Variants in ZNF100 observed in about 807,000 individuals in gnomAD.
The protein encoded by ZNF100 is zinc finger protein 100, also known as zinc finger protein 100 (Y1).
ZNF100 carries 12 observed loss-of-function variants against 15.8 expected under a neutral mutation model. The observed-to-expected ratio is 0.76, with a 90% CI of 0.49 to 1.23. ZNF100 has a LOEUF of 1.23. ZNF100 is among the 50% of genes most tolerant of loss of function. The probability of loss-of-function intolerance (pLI) is 0.00; values close to 1 mark genes in which losing one functional copy is unlikely to be tolerated. For missense variants in ZNF100, 670 were observed against 635.6 expected (o/e 1.05, Z -0.58); for synonymous variants, 226 against 214.8 (o/e 1.05, Z -0.45).
chr19:21,739,608 T>A (rs1169385506), intron 4 of ZNF100, among the ~76,000 whole-genome samples: 2 of 152,170 alleles, frequency 1.3e-5, no homozygotes, highest in African/African-American at 2.4e-5. Flanking sequence ...CACTGCATGG[T>A]ATCTGACCAA....
At chr19:21,764,054 T>C (rs2145749653) in intron 2 of ZNF100, among the ~76,000 whole-genome samples, 1 of 152,310 alleles carries the variant, frequency 6.6e-6, no homozygotes, top group East Asian at 1.9e-4. Context: ...CCCCCAGCTT[T>C]CCAGGACTCT....
intron 2 of ZNF100, among the ~76,000 whole-genome samples, chr19:21,746,013 G>T (rs1008075828): frequency 6.6e-6 from 1 of 152,224 alleles, no homozygotes. Flanking sequence ...GCAGCTGCCA[G>T]ATTAAATGTG....
intron 2 of ZNF100, among the ~76,000 whole-genome samples, chr19:21,762,496 A>C (rs1599409826): frequency 6.6e-6 from 1 of 152,224 alleles, no homozygotes; most frequent in Admixed American, 6.5e-5. Flanking sequence ...ACACTTATTA[A>C]TCTTCCAGAT....
chr19:21,734,948 A>G (rs1357301089), intron 4 of ZNF100, among the ~76,000 whole-genome samples: 1 of 152,154 alleles, frequency 6.6e-6, no homozygotes, highest in Admixed American at 6.5e-5. Context: ...AATATCCTGC[A>G]ACTAAGCTTC....
intron 4 of ZNF100, among the ~76,000 whole-genome samples, chr19:21,730,952 C>T (rs932326269): frequency 6.6e-6 from 1 of 152,068 alleles, no homozygotes; most frequent in Admixed American, 6.5e-5. Flanking sequence ...TCAAAGTAAT[C>T]TACAGATTTA....
At chr19:21,750,897 T>C in intron 2 of ZNF100, 1 of 586,312 alleles carries the variant, frequency 1.7e-6, no homozygotes. Context: ...AGCCTCAAGC[T>C]GGGCCGGTGC....
chr19:21,764,366 G>A (rs1335494707), intron 2 of ZNF100, among the ~76,000 whole-genome samples: 2 of 152,178 alleles, frequency 1.3e-5, no homozygotes, highest in Non-Finnish European at 2.9e-5. Context: ...GTATCAGGCC[G>A]GGCATGGTGG....
intron 4 of ZNF100, among the ~76,000 whole-genome samples, chr19:21,729,630 C>G (rs1263244346): frequency 2.6e-5 from 4 of 151,896 alleles, no homozygotes; most frequent in Admixed American, 2.0e-4. Flanking sequence ...AAATACATTA[C>G]TTTCTGGGAA....
rs1414725452 is a variant in ZNF100 at position 21,765,703 on chromosome 19, A to G, written c.87T>C (p.Tyr29=). 3 of 1,614,010 alleles carry G rather than the reference A, an allele frequency of 1.9e-6. No homozygotes were observed. The highest frequency in any genetic ancestry group is 2.2e-5 in the East Asian group (1 of 44,876). ...GAERSLLVQS[Y]FEKGPLTFRD... ...TGTCTCAAGGGGTTACCTTTTCAAA[A>G]TAAGACTGCACCAGAAGACTCCTCT... is the stretch of plus-strand genomic sequence containing the variant. Residue 29 remains tyrosine, a synonymous_variant, in exon 2 of 5, where the codon TAT becomes TAC. Coordinates refer to ENST00000358296, the MANE Select transcript of ZNF100 (RefSeq NM_173531.4).
intron 1 of ZNF100, 48 bp downstream of exon 1, chr19:21,767,369 CACCAGTTCCA>C: frequency 1.2e-6 from 2 of 1,613,566 alleles, no homozygotes; most frequent in East Asian, 2.2e-5. Flanking sequence ...AGCTACTTCC[CACCAGTTCCA>C]ACCAGCCCTT....
intron 2 of ZNF100, among the ~76,000 whole-genome samples, 187 bp downstream of exon 2, chr19:21,765,506 CT>C (rs558381030): frequency 6.6e-6 from 1 of 152,032 alleles, no homozygotes; most frequent in Non-Finnish European, 1.5e-5. Flanking sequence ...AAAATTTTCA[CT>C]TTTTTTTCCA....
intron 4 of ZNF100, among the ~76,000 whole-genome samples, chr19:21,741,537 G>C (rs1157438644): frequency 6.6e-6 from 1 of 151,964 alleles, no homozygotes; most frequent in Non-Finnish European, 1.5e-5. Flanking sequence ...ACAAGGCCCC[G>C]CTAATTTTTG....
intron 2 of ZNF100, among the ~76,000 whole-genome samples, chr19:21,760,157 G>A (rs1360169710): frequency 1.4e-5 from 2 of 140,036 alleles, no homozygotes; most frequent in African/African-American, 5.2e-5. Context: ...ACTCTAGCCT[G>A]AGCAAAATAG....
chr19:21,745,948 A>G (rs1385225905), intron 2 of ZNF100, among the ~76,000 whole-genome samples: 1 of 152,222 alleles, frequency 6.6e-6, no homozygotes, highest in African/African-American at 2.4e-5. Context: ...CTGTAAAACA[A>G]AGAGCCTTCA....
chr19:21,730,516 T>A (rs1370608560), intron 4 of ZNF100, among the ~76,000 whole-genome samples: 1 of 151,584 alleles, frequency 6.6e-6, no homozygotes, highest in Non-Finnish European at 1.5e-5. Context: ...AAAGCAAATA[T>A]TGATAGAACT....
chr19:21,730,570 AACTT>A (rs1456076099), intron 4 of ZNF100, among the ~76,000 whole-genome samples: 3 of 152,020 alleles, frequency 2.0e-5, no homozygotes, highest in Non-Finnish European at 2.9e-5. Flanking sequence ...ACATTTCAAT[AACTT>A]ACTTTCTGTA....
intron 4 of ZNF100, among the ~76,000 whole-genome samples, chr19:21,742,042 T>C (rs1281579513): frequency 1.3e-5 from 2 of 151,930 alleles, no homozygotes; most frequent in Non-Finnish European, 1.5e-5. Context: ...CATGCTGTAA[T>C]CCCAGCACTC....
intron 2 of ZNF100, among the ~76,000 whole-genome samples, chr19:21,759,127 C>T (rs1157145496): frequency 6.6e-6 from 1 of 152,168 alleles, no homozygotes; most frequent in African/African-American, 2.4e-5. Flanking sequence ...TCACAAACCC[C>T]ATAGGCCCAT....
chr19:21,749,293 G>GAA (rs35308521), intron 2 of ZNF100, among the ~76,000 whole-genome samples: 1 of 139,182 alleles, frequency 7.2e-6, no homozygotes, highest in Non-Finnish European at 1.6e-5. Flanking sequence ...TATGAAGGGA[G>GAA]AAAAAAAAAA....
Sources: allele counts gnomAD v4.1 joint callset (sites outside exome capture counted in the v4.1 genomes callset), GRCh38; gene constraint gnomAD v4.1.1; transcripts MANE v1.5; gene names NCBI Gene and HGNC (gene_info 2026-07-23, HGNC 2026-07-21).